The following SP4 variants were observed in gnomAD, a reference collection of about 807,000 sequenced individuals.
The protein encoded by SP4 is transcription factor Sp4.
In SP4, 19 loss-of-function variants were observed where a neutral mutation model predicts 72.8. The ratio of observed to expected loss-of-function variants is 0.26; its 90% CI spans 0.18 to 0.38. The LOEUF is 0.38. SP4 is among the 10% of genes least tolerant of loss of function. SP4 has a pLI of 1.00. For synonymous variants in SP4, 395 were observed against 333.1 expected, an observed-to-expected ratio of 1.19 and a Z score of -2.02; for missense variants, 1,008 against 926.3, an observed-to-expected ratio of 1.09 and a Z score of -1.14.
intron 3 of SP4, among the ~76,000 whole-genome samples, chr7:21,434,400 G>A: frequency 6.6e-6 from 1 of 152,152 alleles, no homozygotes; most frequent in Non-Finnish European, 1.5e-5. Flanking sequence ...TTTATGAAAT[G>A]AGAATGTTAG....
rs755804767 is a variant in SP4 at position 21,511,201 on chromosome 7, G to C, written c.2287G>C (p.Val763Leu). 5.6e-6 allele frequency: 9 copies of C among 1,614,116 alleles called. No individual in the cohort carries two copies. Among genetic ancestry groups the C allele is most frequent in the Non-Finnish European group, 6.8e-6 (8 of 1,179,966 alleles). ...GCTTGGCTCCCCAAGAATTGTCACA[G>C]TTGCAGCCATTTCTCAAGATTCGAA... ...EVLGSPRIVT[V>L]AAISQDSNPA... The change falls in exon 6 of 6, where the codon GTT becomes CTT. Residue 763 changes from valine (V) to leucine (L), a missense_variant. This residue lies in a region of SP4 where 67 missense variants were observed against 66.1 expected (regional missense o/e 1.01). Coordinates refer to ENST00000222584, the MANE Select transcript of SP4 (RefSeq NM_003112.5).
chr7:21,438,782 A>C (rs1783134419), intron 3 of SP4, among the ~76,000 whole-genome samples: 1 of 152,196 alleles, frequency 6.6e-6, no homozygotes, highest in African/African-American at 2.4e-5. Context: ...GTGAATGGGA[A>C]TCTTCTCTTT....
At chr7:21,465,890 C>T (rs1005688249) in intron 3 of SP4, among the ~76,000 whole-genome samples, 2 of 152,130 alleles carry the variant, frequency 1.3e-5, no homozygotes, top group Admixed American at 1.3e-4. Flanking sequence ...AATTAAGGCC[C>T]TTCCTGATCT....
intron 3 of SP4, among the ~76,000 whole-genome samples, chr7:21,453,417 C>T (rs1272107186): frequency 2.0e-5 from 3 of 152,172 alleles, no homozygotes; most frequent in African/African-American, 7.2e-5. Context: ...CACAGCCAGA[C>T]ACAATTGAAA....
chr7:21,457,768 T>C (rs887560151), intron 3 of SP4, among the ~76,000 whole-genome samples: 4 of 151,582 alleles, frequency 2.6e-5, no homozygotes, highest in Non-Finnish European at 4.4e-5. Context: ...TTTTTTTCAA[T>C]AGGGGTGTGT....
rs1221883675 is a variant in SP4, at chr7:21,512,786, C to G, written c.*1517C>G. 6.6e-6 allele frequency: 1 copy of G among 152,466 alleles called. No homozygotes were observed. Among genetic ancestry groups the G allele is most frequent in the East Asian group, 1.9e-4 (1 of 5,166 alleles). 9.4% of individuals were successfully genotyped at this position (152,466 alleles called of 1,614,324 possible). ...CCATGTTGGCCAGGCTGGTTTCAAA[C>G]TCCTGACCTCAGGTGATCTGCCCAC... On this transcript the variant is annotated 3_prime_UTR_variant, in exon 6 of 6. Transcript: ENST00000222584.
chr7:21,469,917 A>T (rs964928462), intron 3 of SP4, among the ~76,000 whole-genome samples: 3 of 152,096 alleles, frequency 2.0e-5, no homozygotes, highest in African/African-American at 7.2e-5. Flanking sequence ...TGCTGAATGT[A>T]GATAGCAAAT....
chr7:21,494,023 T>TA (rs1193383806), intron 5 of SP4, among the ~76,000 whole-genome samples: 3 of 152,114 alleles, frequency 2.0e-5, no homozygotes, highest in Admixed American at 2.0e-4. Context: ...AATTCACTAA[T>TA]AATGACAAAA....
chr7:21,429,200 T>C (rs1381327007), intron 2 of SP4, 89 bp from the exon 3 acceptor site: 1 of 683,452 alleles, frequency 1.5e-6, no homozygotes. Flanking sequence ...GCTGTCAAAA[T>C]AAGTAACCCC....
chr7:21,493,045 C>A (rs901842113), intron 5 of SP4, among the ~76,000 whole-genome samples: 1 of 151,906 alleles, frequency 6.6e-6, no homozygotes, highest in Non-Finnish European at 1.5e-5. Context: ...ACTAAAAATA[C>A]AAAAATTAGC....
intron 3 of SP4, among the ~76,000 whole-genome samples, chr7:21,433,933 A>T (rs1782959347): frequency 6.6e-6 from 1 of 152,088 alleles, no homozygotes; most frequent in South Asian, 2.1e-4. Flanking sequence ...ACAAGAACGA[A>T]ACTCCATCTC....
chr7:21,440,595 A>G (rs556201349), intron 3 of SP4, among the ~76,000 whole-genome samples: 2 of 152,250 alleles, frequency 1.3e-5, no homozygotes, highest in East Asian at 3.9e-4. Flanking sequence ...CACACCTGTA[A>G]TCCCAGCACT....
rs1019018223 is a variant in SP4, at chr7:21,502,146, T to C, written c.2108-8876T>C. On this transcript the variant is annotated intron_variant, in intron 5 of 5. Transcript: ENST00000222584. Reference sequence around the variant, plus strand: ...GCCGTGTGTATTTTCGGGTATCTTATGGAATACCAGGATGAAGGGAATGGC... The same window carrying C: ...GCCGTGTGTATTTTCGGGTATCTTACGGAATACCAGGATGAAGGGAATGGC... Among the ~76,000 whole-genome samples the C allele has an allele frequency of 6.0e-5, 9 of 151,118 alleles. No individual in the cohort carries two copies. In the East Asian group the frequency reaches 7.9e-4, roughly 13 times the overall value.
rs1782138983 is a variant in SP4 at position 21,511,394 on chromosome 7, T to C, written c.*125T>C. 9.8e-7 allele frequency: 1 copy of C among 1,021,470 alleles called. No homozygotes were observed. The highest frequency in any genetic ancestry group is 1.6e-5 in the African/African-American group (1 of 61,850). The allele number at this position is 1,021,470 out of a possible 1,614,324, so 63.3% of individuals were successfully genotyped here. A position where few individuals can be genotyped will look rare whatever the true frequency, so the allele number is the denominator to read the frequency against. On this transcript the variant is annotated 3_prime_UTR_variant, in exon 6 of 6. Transcript: ENST00000222584. ...TGTTTTCATTCTTGGCTTCTTTAAG[T>C]ATTCCAGGGTTTGGGGTCAACACGT...
intron 3 of SP4, among the ~76,000 whole-genome samples, chr7:21,453,186 C>T (rs1783654744): frequency 6.6e-6 from 1 of 152,166 alleles, no homozygotes. Flanking sequence ...TTTTAGTCTT[C>T]TATTAGTTCA....
intron 3 of SP4, among the ~76,000 whole-genome samples, chr7:21,432,193 A>G (rs1355198978): frequency 6.6e-6 from 1 of 152,142 alleles, no homozygotes; most frequent in Non-Finnish European, 1.5e-5. Context: ...GCTAGTGGCA[A>G]GGACAGTCAT....
At chr7:21,469,540 ATT>A (rs59458328) in intron 3 of SP4, among the ~76,000 whole-genome samples, 4,769 of 127,412 alleles carry the variant, frequency 0.037, 210 homozygotes, top group African/African-American at 0.13. Flanking sequence ...TTTAGTTATA[ATT>A]TTTTTTTTTT....
At chr7:21,439,116 A>ATATC (rs1783147442) in intron 3 of SP4, among the ~76,000 whole-genome samples, 1 of 152,178 alleles carries the variant, frequency 6.6e-6, no homozygotes, top group Non-Finnish European at 1.5e-5. Flanking sequence ...CCCCTCTGAT[A>ATATC]AGGGGGGACT....
chr7:21,462,294 G>GTA (rs775861565), intron 3 of SP4, among the ~76,000 whole-genome samples: 3 of 152,090 alleles, frequency 2.0e-5, no homozygotes, highest in Non-Finnish European at 2.9e-5. Flanking sequence ...CGGGACCATA[G>GTA]TATTGACTCA....
Sources: gnomAD v4.1 joint callset for allele counts (sites outside exome capture counted in the v4.1 genomes callset) on GRCh38, gnomAD v4.1.1 for gene constraint, gnomAD v4.1.1 regional missense constraint, MANE v1.5 for transcripts, NCBI Gene and HGNC (gene_info 2026-07-23, HGNC 2026-07-21) for gene names.